Variants in GGTA1 observed in about 807,000 individuals in gnomAD.
The protein encoded by GGTA1 is inactive N-acetyllactosaminide alpha-1,3-galactosyltransferase.
GGTA1 carries 5 observed loss-of-function variants against 2.6 expected under a neutral mutation model. The ratio of observed to expected loss-of-function variants is 1.92; its 90% CI spans 1.00 to 4.04. The LOEUF (loss-of-function observed/expected upper bound fraction) is 4.04, where lower values mean the gene tolerates loss of function less well. GGTA1 is among the 30% of genes most tolerant of loss of function. GGTA1 has a pLI of 0.00. For synonymous variants in GGTA1, 17 were observed against 5.0 expected (o/e 3.38, Z -3.19); for missense variants, 50 against 16.7 (o/e 2.99, Z -3.47).
At chr9:121,454,737 G>C (rs1025226241), downstream of GGTA1, among the ~76,000 whole-genome samples, 2 of 152,186 alleles carry the variant, frequency 1.3e-5, no homozygotes, top group African/African-American at 4.8e-5. Context: ...AATAAGCCGG[G>C]CGCGGTGGCT....
intron 1 of GGTA1, among the ~76,000 whole-genome samples, chr9:121,470,630 C>T (rs750288536): frequency 1.3e-5 from 2 of 152,242 alleles, no homozygotes; most frequent in Non-Finnish European, 2.9e-5. Context: ...TGAAAGACAT[C>T]AGACCTAACC....
At chr9:121,451,686 T>G (rs1480118205), downstream of GGTA1, among the ~76,000 whole-genome samples, 5 of 152,186 alleles carry the variant, frequency 3.3e-5, no homozygotes. Context: ...TGTTCCAGCG[T>G]GGAAAGCCAC....
At chr9:121,481,393 A>T (rs906824481) in intron 1 of GGTA1, among the ~76,000 whole-genome samples, 3 of 152,044 alleles carry the variant, frequency 2.0e-5, no homozygotes, top group Non-Finnish European at 2.9e-5. Context: ...AAGTTCAAAA[A>T]TAGGCCAAAC....
chr9:121,490,377 C>A (rs1828849973), intron 1 of GGTA1, among the ~76,000 whole-genome samples: 1 of 152,234 alleles, frequency 6.6e-6, no homozygotes, highest in South Asian at 2.1e-4. Context: ...CCGATCTCAT[C>A]TGAAACCTCC....
intron 7 of GGTA1, among the ~76,000 whole-genome samples, chr9:121,449,613 G>A (rs1218539671): frequency 4.6e-5 from 7 of 152,056 alleles, no homozygotes; most frequent in Non-Finnish European, 5.9e-5. Flanking sequence ...AGGCCGAGGC[G>A]GGTGGATCAC....
chr9:121,484,626 CAG>C (rs1011782025), intron 1 of GGTA1, among the ~76,000 whole-genome samples: 2 of 152,178 alleles, frequency 1.3e-5, no homozygotes, highest in African/African-American at 4.8e-5. Context: ...TGTAACCAGA[CAG>C]AAAGTTATTT....
At chr9:121,498,587 C>T (rs1205744782) in intron 1 of GGTA1, among the ~76,000 whole-genome samples, 1 of 152,214 alleles carries the variant, frequency 6.6e-6, no homozygotes, top group African/African-American at 2.4e-5. Context: ...GAAGGTGGTT[C>T]CTTACTGGCA....
chr9:121,473,956 AGAGGGAGGGAGGGAGG>A (rs749988728), intron 1 of GGTA1, among the ~76,000 whole-genome samples: 3 of 133,338 alleles, frequency 2.2e-5, no homozygotes, highest in Non-Finnish European at 3.2e-5. Flanking sequence ...AGAGAGAGAG[AGAGGGAGGGAGGGAGG>A]GAGAGAGAGA....
intron 5 of GGTA1, among the ~76,000 whole-genome samples, chr9:121,457,502 C>T (rs548247673): frequency 2.8e-4 from 42 of 152,010 alleles, no homozygotes; most frequent in Non-Finnish European, 1.6e-4. Context: ...AGATTGAGAC[C>T]ACCCTGGCTA....
At chr9:121,461,519 G>A (rs1172152243) in intron 3 of GGTA1, among the ~76,000 whole-genome samples, 3 of 152,128 alleles carry the variant, frequency 2.0e-5, no homozygotes, top group African/African-American at 7.2e-5. Context: ...TCCTCCCTTG[G>A]GTAGCCCCCA....
At chr9:121,461,185 T>C (rs2064957853) in intron 4 of GGTA1, 67 bp downstream of exon 4, 1 of 423,244 alleles carries the variant, frequency 2.4e-6, no homozygotes, top group Non-Finnish European at 4.6e-6. Flanking sequence ...CATGAAACCA[T>C]TGTGTGTGGA....
chr9:121,475,191 T>C (rs1828481800), intron 1 of GGTA1, among the ~76,000 whole-genome samples: 1 of 152,080 alleles, frequency 6.6e-6, no homozygotes, highest in South Asian at 2.1e-4. Context: ...CAAACCAAGA[T>C]GGCGATGAGA....
rs1828523036 is a variant in GGTA1, at chr9:121,476,993, T to G, written c.-9-9062A>C. Among the ~76,000 whole-genome samples the G allele has an allele frequency of 6.6e-6, 1 of 152,108 alleles. No individual in the cohort carries two copies. The highest frequency in any genetic ancestry group is 2.4e-5 in the African/African-American group (1 of 41,400). ...GGACCTTGTTGAGCACCTGGGCCCCTCCTCCTTTGGCCTCAAGAAGAAGGA... is the reference window on the plus strand; with the variant it reads ...GGACCTTGTTGAGCACCTGGGCCCCGCCTCCTTTGGCCTCAAGAAGAAGGA... On this transcript the variant is annotated intron_variant, in intron 1 of 5. Transcript: ENST00000481799. The surrounding 1 kb of genome is among the most constrained non-coding windows in gnomAD (Gnocchi z 4.6).
Position 121,474,462 on chromosome 9 carries a change from C to T in GGTA1, c.-9-6531G>A, listed in dbSNP as rs1033902759. Among the ~76,000 whole-genome samples, 5 of 152,196 alleles carry T rather than the reference C, an allele frequency of 3.3e-5. No individual in the cohort carries two copies. In the South Asian group the frequency reaches 1.0e-3, roughly 32 times the overall value. ...TACAGCCTGTCATTTCTCCACCTTC[C>T]TCACTCTACCCTCACCCTCCTCCTT... On this transcript the variant is annotated intron_variant, in intron 1 of 5. Transcript: ENST00000481799.
At chr9:121,496,390 C>G (rs530441217) in intron 1 of GGTA1, among the ~76,000 whole-genome samples, 1 of 152,062 alleles carries the variant, frequency 6.6e-6, no homozygotes, top group Non-Finnish European at 1.5e-5. Context: ...CTATTCTGCC[C>G]TGACTCATGT....
intron 1 of GGTA1, among the ~76,000 whole-genome samples, chr9:121,499,356 C>T (rs1364359837): frequency 1.3e-5 from 2 of 152,156 alleles, no homozygotes; most frequent in African/African-American, 4.8e-5. Context: ...CCCACCCCAA[C>T]CCCGCGGACC....
At chr9:121,445,756 TGGAGCA>T (rs1473613475) in exon 8 of GGTA1, 1 of 152,252 alleles carries the variant, frequency 6.6e-6, no homozygotes, top group African/African-American at 2.4e-5. Flanking sequence ...ATAGTGCAGA[TGGAGCA>T]GGAGAGAACA....
chr9:121,472,835 T>C (rs1475647111), intron 1 of GGTA1, among the ~76,000 whole-genome samples: 1 of 152,182 alleles, frequency 6.6e-6, no homozygotes, highest in Non-Finnish European at 1.5e-5. Context: ...GTTGGAAACA[T>C]TGGCGCTTAC....
chr9:121,450,677 C>G (rs1161542955), downstream of GGTA1, among the ~76,000 whole-genome samples: 1 of 152,106 alleles, frequency 6.6e-6, no homozygotes, highest in African/African-American at 2.4e-5. Context: ...CTGGGTTATC[C>G]CCTTTTGTGC....
Sources: allele counts gnomAD v4.1 joint callset (sites outside exome capture counted in the v4.1 genomes callset), GRCh38; gene constraint gnomAD v4.1.1; non-coding constraint Gnocchi (gnomAD v3.1); transcripts MANE v1.5; gene names NCBI Gene and HGNC (gene_info 2026-07-23, HGNC 2026-07-21).